PTPRC: variants seen among roughly 807,000 people sequenced by gnomAD.
PTPRC encodes the protein protein tyrosine phosphatase receptor type C.
In PTPRC, 44 loss-of-function variants were observed where a neutral mutation model predicts 155.9. The ratio of observed to expected loss-of-function variants is 0.28; its 90% CI spans 0.22 to 0.36. The LOEUF is 0.36. Ranked by LOEUF, PTPRC falls within the 10% of genes least tolerant of loss-of-function variation. The probability of loss-of-function intolerance (pLI) is 1.00; values close to 1 mark genes in which losing one functional copy is unlikely to be tolerated. For missense variants in PTPRC, 1,401 were observed against 1,564.6 expected, an observed-to-expected ratio of 0.90 and a Z score of 1.76; for synonymous variants, 525 against 533.1, an observed-to-expected ratio of 0.98 and a Z score of 0.21.
chr1:198,752,573 T>C lies in PTPRC; in HGVS notation c.3331-21T>C, dbSNP rs1325572179. 2.5e-6 allele frequency: 4 copies of C among 1,606,764 alleles called. No individual in the cohort carries two copies. The Admixed American group carries it at 6.7e-5, about 27-fold the overall frequency. On this transcript the variant is annotated intron_variant, in intron 30 of 32. Transcript: ENST00000442510. The stretch of plus-strand genomic sequence containing the variant: ...AGCTGAACTTCACTCCAGTTAATGC[T>C]CTCTTCAATTCTGATTTTAGAGGAA...
chr1:198,712,931 A>G (rs965513018), intron 11 of PTPRC, 22 bp from the exon 12 acceptor site: 1 of 1,603,560 alleles, frequency 6.2e-7, no homozygotes, highest in Non-Finnish European at 8.5e-7. Context: ...CATATTACAT[A>G]ACATTCTTAT....
At chr1:198,691,267 T>C (rs879459568) in intron 2 of PTPRC, among the ~76,000 whole-genome samples, 2 of 152,080 alleles carry the variant, frequency 1.3e-5, no homozygotes, top group African/African-American at 4.8e-5. Context: ...TTATACATTT[T>C]CACATGAAAT....
At position 198,709,731 on chromosome 1, in the gene PTPRC, G is replaced by T; in HGVS notation, c.1078G>T (p.Glu360Ter). 2 of 1,604,912 alleles carry T rather than the reference G, an allele frequency of 1.2e-6. No homozygotes were observed. The highest frequency in any genetic ancestry group is 2.3e-5 in the South Asian group (2 of 88,392). The change falls in exon 11 of 33, where the codon GAA (glutamate) becomes TAA (stop). Residue 360 changes from glutamate (E) to a stop codon, truncating the protein, a stop_gained. Transcript: ENST00000442510. LOFTEE classifies it high-confidence loss of function. ...TAAAGAAATTAAATTAGAAAACCTT[G>T]AACCCGAACATGAGTATAAGTGTGA... ...DNKEIKLENLEPEHEYKCDSE... is the reference protein window; with the variant it reads ...DNKEIKLENL
At chr1:198,704,427 C>A in intron 7 of PTPRC, 45 bp from the exon 8 acceptor site, 1 of 1,612,952 alleles carries the variant, frequency 6.2e-7, no homozygotes, top group Non-Finnish European at 8.5e-7. Context: ...GGCAGATATT[C>A]TAAAGCAAAA....
intron 3 of PTPRC, 163 bp downstream of exon 3, chr1:198,692,536 T>C: frequency 9.1e-7 from 1 of 1,097,416 alleles, no homozygotes; most frequent in South Asian, 3.7e-5. Context: ...TTTCTGCTTA[T>C]ACGTTATAGA....
chr1:198,750,009 T>C (rs1468741754), intron 28 of PTPRC, among the ~76,000 whole-genome samples: 1 of 150,674 alleles, frequency 6.6e-6, no homozygotes, highest in Non-Finnish European at 1.5e-5. Flanking sequence ...ACAATGAAAC[T>C]TTAGTCATTT....
intron 2 of PTPRC, among the ~76,000 whole-genome samples, chr1:198,651,291 A>AT (rs1663232451): frequency 2.3e-5 from 1 of 43,944 alleles, no homozygotes; most frequent in South Asian, 1.1e-3. Flanking sequence ...ACAGATTGGG[A>AT]TTGTGTGTGT....
At chr1:198,717,827 T>C (rs1279093611) in intron 13 of PTPRC, among the ~76,000 whole-genome samples, 1 of 152,022 alleles carries the variant, frequency 6.6e-6, no homozygotes, top group African/African-American at 2.4e-5. Flanking sequence ...TTTTCTCTAT[T>C]CTCTAATTCT....
rs1666500168 is a variant in PTPRC at position 198,702,328 on chromosome 1, G to C, written c.440-59G>C. On this transcript the variant is annotated intron_variant, in intron 5 of 32. Coordinates refer to ENST00000442510, the MANE Select transcript of PTPRC (RefSeq NM_002838.5). Reference sequence around the variant, plus strand: ...GTAATTGTGTTTATGTTGGCTATCTGGCTATTGCCCTTGCGTGACAGACAC... The same window carrying C: ...GTAATTGTGTTTATGTTGGCTATCTCGCTATTGCCCTTGCGTGACAGACAC... 3 of 1,609,300 alleles carry C rather than the reference G, an allele frequency of 1.9e-6. No homozygotes were observed. The East Asian group carries it at 6.7e-5, about 36-fold the overall frequency.
At position 198,693,358 on chromosome 1, in the gene PTPRC, C is replaced by T. The variant is rs543986313; in HGVS notation, c.100+985C>T. 3.3e-5 allele frequency among the ~76,000 whole-genome samples: 5 copies of T among 152,280 alleles called. No homozygotes were observed. The East Asian group carries it at 9.6e-4, about 29-fold the overall frequency. ...TATAAATAAATAAAAGTCATTCTTG[C>T]ATAGTAGATTGTGATTGGTTTATGC... On this transcript the variant is annotated intron_variant, in intron 3 of 32. Coordinates refer to ENST00000442510, the MANE Select transcript of PTPRC (RefSeq NM_002838.5).
Position 198,681,881 on chromosome 1 carries a change from G to A in PTPRC, c.74-10466G>A, listed in dbSNP as rs916374805. 1.2e-4 allele frequency among the ~76,000 whole-genome samples: 19 copies of A among 152,266 alleles called. No individual in the cohort carries two copies. The East Asian group carries it at 1.3e-3, about 11-fold the overall frequency. On this transcript the variant is annotated intron_variant, in intron 2 of 32. Coordinates refer to ENST00000442510, the MANE Select transcript of PTPRC (RefSeq NM_002838.5). ...ATTCAGCATTTTGTAGCAGTTAAAT[G>A]TATAGTCAGGCAGCTTCAACGTCAA...
chr1:198,665,986 A>T (rs1287761917), intron 2 of PTPRC, among the ~76,000 whole-genome samples: 3 of 152,152 alleles, frequency 2.0e-5, no homozygotes, highest in Non-Finnish European at 2.9e-5. Flanking sequence ...ACATTTAAAG[A>T]CATAGGCACT....
intron 4 of PTPRC, among the ~76,000 whole-genome samples, chr1:198,698,955 T>C (rs1488528272): frequency 1.3e-5 from 2 of 152,198 alleles, no homozygotes; most frequent in African/African-American, 4.8e-5. Flanking sequence ...AGACCGTGTA[T>C]GTAAGCATGG....
At chr1:198,644,993 A>G (rs993962894) in intron 2 of PTPRC, among the ~76,000 whole-genome samples, 1 of 151,828 alleles carries the variant, frequency 6.6e-6, no homozygotes, top group Non-Finnish European at 1.5e-5. Context: ...TGAAGTATAA[A>G]TGATCATCAT....
chr1:198,693,013 C>G, intron 3 of PTPRC: 1 of 942,216 alleles, frequency 1.1e-6, no homozygotes, highest in Non-Finnish European at 1.3e-6. Context: ...CATCACTTAA[C>G]TGATGTTACT....
At chr1:198,736,917 G>T (rs1654669613) in intron 23 of PTPRC, among the ~76,000 whole-genome samples, 1 of 151,522 alleles carries the variant, frequency 6.6e-6, no homozygotes, top group African/African-American at 2.4e-5. Flanking sequence ...ATGTAGTTTT[G>T]ATTTGCATTT....
chr1:198,720,301 T>C (rs910371151), intron 14 of PTPRC, among the ~76,000 whole-genome samples: 5 of 152,154 alleles, frequency 3.3e-5, no homozygotes, highest in African/African-American at 9.7e-5. Context: ...TATGTTCCTG[T>C]TTTTCTGTAT....
chr1:198,705,673 G>A (rs895325202), intron 8 of PTPRC, among the ~76,000 whole-genome samples: 1 of 151,606 alleles, frequency 6.6e-6, no homozygotes, highest in Non-Finnish European at 1.5e-5. Context: ...AACCTGACTC[G>A]GCCTTCCAAA....
At chr1:198,655,687 C>T (rs1212066057) in intron 2 of PTPRC, among the ~76,000 whole-genome samples, 1 of 152,002 alleles carries the variant, frequency 6.6e-6, no homozygotes, top group Non-Finnish European at 1.5e-5. Context: ...TGTGGACAAT[C>T]TAGTTGGAGA....
Sources: allele counts gnomAD v4.1 joint callset (sites outside exome capture counted in the v4.1 genomes callset), GRCh38; gene constraint gnomAD v4.1.1; transcripts MANE v1.5; gene names NCBI Gene and HGNC (gene_info 2026-07-23, HGNC 2026-07-21).